NPIPB4: variants seen among roughly 807,000 people sequenced by gnomAD.
NPIPB4 encodes nuclear pore complex-interacting protein family member B4.
For missense variants in NPIPB4, 105 were observed against 513.7 expected (o/e 0.20, Z 7.69); for synonymous variants, 31 against 194.1 (o/e 0.16, Z 6.99).
chr16:21,850,454 T>C (rs1394016183), intron 2 of NPIPB4, among the ~76,000 whole-genome samples: 1 of 151,928 alleles, frequency 6.6e-6, no homozygotes, highest in African/African-American at 2.4e-5. Context: ...ATGGAGACTA[T>C]CCTGGCGAAC....
intron 2 of NPIPB4, among the ~76,000 whole-genome samples, chr16:21,850,821 G>A (rs1205293249): frequency 9.8e-5 from 4 of 40,758 alleles, no homozygotes; most frequent in South Asian, 7.3e-4. Flanking sequence ...GGGCCCAAGC[G>A]ATCCTCCCAC....
At chr16:21,840,308 T>C (rs1432082993) in intron 5 of NPIPB4, among the ~76,000 whole-genome samples, 2 of 55,794 alleles carry the variant, frequency 3.6e-5, no homozygotes, top group Non-Finnish European at 7.9e-5. Flanking sequence ...GAGGGTGGGG[T>C]ACAGTTTCTG....
intron 5 of NPIPB4, among the ~76,000 whole-genome samples, chr16:21,841,340 A>T (rs1298405645): frequency 9.8e-5 from 13 of 132,456 alleles, no homozygotes; most frequent in African/African-American, 3.6e-4. Flanking sequence ...AACACTTCAA[A>T]GAGAAAGTTA....
chr16:21,850,353 C>T (rs1390889575), intron 2 of NPIPB4, among the ~76,000 whole-genome samples: 1 of 149,662 alleles, frequency 6.7e-6, no homozygotes, highest in Admixed American at 6.6e-5. Context: ...TAAACTTACA[C>T]TTAAGGTTAT....
At chr16:21,840,260 C>G (rs1477962722) in intron 5 of NPIPB4, among the ~76,000 whole-genome samples, 11 of 46,390 alleles carry the variant, frequency 2.4e-4, no homozygotes, top group Admixed American at 9.2e-4. Flanking sequence ...AAATACTGTA[C>G]AAAGGTTAAA....
At position 21,836,435 on chromosome 16, in the gene NPIPB4, A is replaced by G; in HGVS notation, c.1952T>C (p.Met651Thr). 7.9e-7 allele frequency: 1 copy of G among 1,268,784 alleles called. No individual in the cohort carries two copies. The highest frequency in any genetic ancestry group is 1.1e-6 in the Non-Finnish European group (1 of 908,046). The allele number at this position is 1,268,784 out of a possible 1,614,324, so 78.6% of individuals were successfully genotyped here. ...GCTCAGCAGGTATCTTGATATTATC[A>G]TCTGCTGAGGGTGGAGCTGAGGGTG... ...PFHPQLHPQQ[M>T]IISRYLLSVC... The change falls in exon 8 of 8, where the codon ATG (methionine) becomes ACG (threonine). Residue 651 changes from methionine to threonine, a missense_variant. Transcript: ENST00000682606.
chr16:21,853,564 A>T (rs1597921015), intron 2 of NPIPB4, among the ~76,000 whole-genome samples: 2 of 25,236 alleles, frequency 7.9e-5, no homozygotes, highest in East Asian at 9.2e-4. Flanking sequence ...CGGGAGGCGG[A>T]GGTTGCAGTG....
chr16:21,840,176 T>G (rs1322838331), intron 5 of NPIPB4, among the ~76,000 whole-genome samples: 10 of 11,648 alleles, frequency 8.6e-4, no homozygotes, highest in South Asian at 2.5e-3. Context: ...TTTTCTGTTT[T>G]GTGAACTCTC....
intron 2 of NPIPB4, among the ~76,000 whole-genome samples, chr16:21,850,517 T>G (rs1472816878): frequency 1.3e-5 from 2 of 151,636 alleles, no homozygotes; most frequent in South Asian, 2.1e-4. Context: ...GGCGTGGTGG[T>G]CTACTAAAAA....
At chr16:21,850,604 G>A (rs1451868917) in intron 2 of NPIPB4, among the ~76,000 whole-genome samples, 10 of 131,726 alleles carry the variant, frequency 7.6e-5, no homozygotes, top group South Asian at 2.4e-4. Context: ...CCCCAGAAGC[G>A]GAGGTTGCAG....
At chr16:21,845,899 C>CGG (rs1902090827) in intron 3 of NPIPB4, among the ~76,000 whole-genome samples, 1 of 135,406 alleles carries the variant, frequency 7.4e-6, no homozygotes, top group African/African-American at 2.8e-5. Flanking sequence ...TCCCCTGGCT[C>CGG]ACGTGGTGGC....
chr16:21,840,579 G>A (rs894581501), intron 5 of NPIPB4, among the ~76,000 whole-genome samples: 4 of 148,248 alleles, frequency 2.7e-5, no homozygotes, highest in African/African-American at 7.4e-5. Context: ...ACCGAAGGGA[G>A]AATTGACACC....
At chr16:21,845,848 TTC>T in intron 3 of NPIPB4, among the ~76,000 whole-genome samples, 1 of 113,896 alleles carries the variant, frequency 8.8e-6, no homozygotes, top group African/African-American at 3.5e-5. Flanking sequence ...CAACTGAACT[TTC>T]CTAAGTGGAA....
chr16:21,850,676 A>AAT (rs1902450538), intron 2 of NPIPB4, among the ~76,000 whole-genome samples: 1 of 119,638 alleles, frequency 8.4e-6, no homozygotes, highest in Non-Finnish European at 1.7e-5. Flanking sequence ...TGTCTAAAAA[A>AAT]AAAAAAAAAA....
At chr16:21,845,868 A>AGTTT (rs1567443528) in intron 3 of NPIPB4, among the ~76,000 whole-genome samples, 12 of 125,642 alleles carry the variant, frequency 9.6e-5, no homozygotes, top group Non-Finnish European at 2.0e-4. Context: ...GAATTGTTAA[A>AGTTT]AAGTGGTAAA....
chr16:21,850,679 A>T (rs1327089990), intron 2 of NPIPB4, among the ~76,000 whole-genome samples: 2 of 119,558 alleles, frequency 1.7e-5, no homozygotes, highest in African/African-American at 7.1e-5. Flanking sequence ...CTAAAAAAAA[A>T]AAAAAAAAAA....
At chr16:21,850,208 C>T (rs1902377057) in intron 2 of NPIPB4, among the ~76,000 whole-genome samples, 1 of 141,372 alleles carries the variant, frequency 7.1e-6, no homozygotes, top group South Asian at 2.4e-4. Context: ...TTGCGGTGAG[C>T]TGATATTGCC....
At chr16:21,850,545 CGTT>C (rs1288156584) in intron 2 of NPIPB4, among the ~76,000 whole-genome samples, 46 of 150,278 alleles carry the variant, frequency 3.1e-4, no homozygotes, top group African/African-American at 1.1e-3. Context: ...ATTAGCCAGG[CGTT>C]GTAATCTGAG....
chr16:21,850,829 C>T (rs1354117197), intron 2 of NPIPB4, among the ~76,000 whole-genome samples: 1 of 37,348 alleles, frequency 2.7e-5, no homozygotes, highest in Admixed American at 2.9e-4. Flanking sequence ...GCGATCCTCC[C>T]ACCTCAGCCT....
Sources: allele counts gnomAD v4.1 joint callset (sites outside exome capture counted in the v4.1 genomes callset), GRCh38; gene constraint gnomAD v4.1.1; transcripts MANE v1.5; gene names NCBI Gene and HGNC (gene_info 2026-07-23, HGNC 2026-07-21).